Variants in TENM3 observed in about 807,000 individuals in gnomAD.
The protein encoded by TENM3 is teneurin transmembrane protein 3.
TENM3 carries 63 observed loss-of-function variants against 255.1 expected under a neutral mutation model. The ratio of observed to expected loss-of-function variants is 0.25; its 90% CI spans 0.20 to 0.30. TENM3 has a LOEUF of 0.30. Among genes scored for constraint, TENM3 ranks in the 10% least tolerant of loss-of-function variants. The pLI is 1.00. For synonymous variants in TENM3, 1,306 were observed against 1,322.3 expected, an observed-to-expected ratio of 0.99 and a Z score of 0.27; for missense variants, 2,929 against 3,461.1, an observed-to-expected ratio of 0.85 and a Z score of 3.86.
chr4:182,192,577 T>G (rs572855335), intron 1 of TENM3, among the ~76,000 whole-genome samples: 9 of 152,356 alleles, frequency 5.9e-5, no homozygotes, highest in African/African-American at 2.2e-4. Context: ...TGTTGATTAT[T>G]CTTGGGATAG....
At chr4:182,166,121 C>G (rs1751700846) in intron 1 of TENM3, among the ~76,000 whole-genome samples, 1 of 152,168 alleles carries the variant, frequency 6.6e-6, no homozygotes, top group African/African-American at 2.4e-5. Context: ...TATGTTGACC[C>G]AGGTTACTCC....
intron 1 of TENM3, among the ~76,000 whole-genome samples, chr4:182,303,532 CCT>C (rs1761962481): frequency 6.6e-6 from 1 of 152,066 alleles, no homozygotes; most frequent in African/African-American, 2.4e-5. Context: ...GTATACCTGC[CCT>C]GATAGTCAAC....
intron 3 of TENM3, among the ~76,000 whole-genome samples, chr4:182,370,390 G>A (rs944052186): frequency 6.6e-6 from 1 of 152,084 alleles, no homozygotes; most frequent in Non-Finnish European, 1.5e-5. Context: ...TGTTTTGACT[G>A]GTAGTGGTAT....
the TENM3 span, among the ~76,000 whole-genome samples, chr4:181,639,698 C>T: frequency 6.6e-6 from 1 of 152,288 alleles, no homozygotes; most frequent in East Asian, 1.9e-4. Context: ...CGAGATCACG[C>T]CAGTGTACTC....
the TENM3 span, among the ~76,000 whole-genome samples, chr4:181,543,785 T>TTGG: frequency 6.6e-6 from 1 of 152,360 alleles, no homozygotes; most frequent in South Asian, 2.1e-4. Context: ...CAAGGGCCAC[T>TTGG]GCTAGCCACA....
intron 3 of TENM3, among the ~76,000 whole-genome samples, chr4:182,538,538 G>A (rs1241058042): frequency 6.6e-6 from 1 of 152,236 alleles, no homozygotes; most frequent in African/African-American, 2.4e-5. Context: ...GGAACACAGA[G>A]CAAAGCAGCA....
At chr4:182,279,086 G>A (rs1008694736) in intron 1 of TENM3, among the ~76,000 whole-genome samples, 2 of 152,152 alleles carry the variant, frequency 1.3e-5, no homozygotes, top group Non-Finnish European at 2.9e-5. Context: ...GCACAAACCA[G>A]CAATTCGAAG....
chr4:182,486,612 A>T (rs1259556637), intron 3 of TENM3, among the ~76,000 whole-genome samples: 1 of 152,210 alleles, frequency 6.6e-6, no homozygotes, highest in African/African-American at 2.4e-5. Flanking sequence ...TAGAAATTTT[A>T]TGTAAGGTCC....
At chr4:182,745,055 T>C (rs149451366) in intron 19 of TENM3, among the ~76,000 whole-genome samples, 1 of 152,190 alleles carries the variant, frequency 6.6e-6, no homozygotes, top group Non-Finnish European at 1.5e-5. Context: ...TGAAATGATA[T>C]CAGATAGAAA....
chr4:182,525,015 G>A (rs993160584), intron 3 of TENM3, among the ~76,000 whole-genome samples: 3 of 152,080 alleles, frequency 2.0e-5, no homozygotes, highest in Non-Finnish European at 4.4e-5. Context: ...TGGCGACAGA[G>A]TGAGACCCTG....
chr4:182,364,350 A>C (rs1383364559), intron 3 of TENM3, among the ~76,000 whole-genome samples: 1 of 152,138 alleles, frequency 6.6e-6, no homozygotes, highest in Non-Finnish European at 1.5e-5. Context: ...TTTTATTCTT[A>C]ATCTTTGTGT....
rs1762640982 is a variant in TENM3 at position 182,755,233 on chromosome 4, T to G, written c.4866T>G (p.Asp1622Glu). Residue 1622 changes from aspartate to glutamate, a missense_variant, in exon 22 of 28, where the codon GAT becomes GAG. By Grantham distance (45) the Asp-to-Glu change is conservative. Transcript: ENST00000511685. ...GNSGLLATKS[D>E]ETGWTTFFDY... ...GTGGCCTTTTAGCCACTAAAAGTGA[T>G]GAAACTGGATGGACAACGTTTTTTG... 6.2e-7 allele frequency: 1 copy of G among 1,603,944 alleles called. No individual in the cohort carries two copies. Among genetic ancestry groups the G allele is most frequent in the South Asian group, 1.1e-5 (1 of 90,012 alleles).
intron 19 of TENM3, among the ~76,000 whole-genome samples, chr4:182,746,772 A>T (rs1026894529): frequency 7.9e-5 from 12 of 152,196 alleles, no homozygotes; most frequent in African/African-American, 2.9e-4. Flanking sequence ...CGATAAAATA[A>T]ACGGAAGGAG....
the TENM3 span, among the ~76,000 whole-genome samples, chr4:182,010,161 A>G: frequency 6.6e-6 from 1 of 152,174 alleles, no homozygotes; most frequent in African/African-American, 2.4e-5. Context: ...CGCCCCCCAA[A>G]AATATTTTAG....
chr4:182,113,787 G>A, the TENM3 span, among the ~76,000 whole-genome samples: 151,114 of 152,224 alleles, frequency 0.99, 75,013 homozygotes, highest in Middle Eastern at 1. Context: ...TTTTTACTTT[G>A]AACATTAAGA....
the TENM3 span, among the ~76,000 whole-genome samples, chr4:181,961,538 G>A: frequency 6.6e-6 from 1 of 152,046 alleles, no homozygotes; most frequent in Non-Finnish European, 1.5e-5. Flanking sequence ...TCCTGCCTCA[G>A]CCTCCCGAGT....
the TENM3 span, among the ~76,000 whole-genome samples, chr4:181,685,851 A>G: frequency 1.3e-5 from 2 of 152,190 alleles, no homozygotes; most frequent in African/African-American, 4.8e-5. Context: ...AAACCCCTAT[A>G]TGAAATCCCT....
chr4:182,449,273 G>A (rs185620779), intron 3 of TENM3, among the ~76,000 whole-genome samples: 1,110 of 48,254 alleles, frequency 0.023, 13 homozygotes, highest in African/African-American at 0.073. Flanking sequence ...AGGAGGCTCG[G>A]CGCGGGTTTG....
chr4:182,296,406 T>A (rs1761500981), intron 1 of TENM3, among the ~76,000 whole-genome samples: 1 of 152,208 alleles, frequency 6.6e-6, no homozygotes, highest in Admixed American at 6.5e-5. Flanking sequence ...TCTTTTCAAT[T>A]GTACTTGAAG....
Sources: gnomAD v4.1 joint callset for allele counts (sites outside exome capture counted in the v4.1 genomes callset) on GRCh38, gnomAD v4.1.1 for gene constraint, MANE v1.5 for transcripts, NCBI Gene and HGNC (gene_info 2026-07-23, HGNC 2026-07-21) for gene names.